TMEM192: variants seen among roughly 807,000 people sequenced by gnomAD.
The protein encoded by TMEM192 is transmembrane protein 192.
A neutral mutation model predicts 26.7 loss-of-function variants in TMEM192; 20 were observed. The ratio of observed to expected loss-of-function variants is 0.75; its 90% CI spans 0.53 to 1.09. The LOEUF is 1.09. Among genes scored for constraint, TMEM192 ranks in the 50% least tolerant of loss-of-function variants. The pLI, the probability that TMEM192 is intolerant of heterozygous loss-of-function variation, is 0.00. For synonymous variants in TMEM192, 124 were observed against 121.0 expected, an observed-to-expected ratio of 1.02 and a Z score of -0.16; for missense variants, 304 against 322.6, an observed-to-expected ratio of 0.94 and a Z score of 0.44.
At chr4:165,093,919 G>A (rs1734831261) in intron 3 of TMEM192, among the ~76,000 whole-genome samples, 1 of 151,816 alleles carries the variant, frequency 6.6e-6, no homozygotes, top group Non-Finnish European at 1.5e-5. Flanking sequence ...GTTTTTTTGA[G>A]TCGGAGTTTT....
intron 3 of TMEM192, among the ~76,000 whole-genome samples, chr4:165,090,713 T>C (rs891532425): frequency 2.0e-5 from 3 of 151,440 alleles, no homozygotes; most frequent in African/African-American, 7.3e-5. Flanking sequence ...GAGAGCAGCA[T>C]GGCCAAGATG....
Position 165,082,050 on chromosome 4 carries a change from A to G in TMEM192, c.678-2254T>C, listed in dbSNP as rs1284843108. On this transcript the variant is annotated intron_variant, in intron 5 of 5. Transcript: ENST00000306480. ...AGTGGCATGATCTCGGCTCACAGCA[A>G]CCTCCGCCTCCAGGGTTCCCGCGAT... Among the ~76,000 whole-genome samples, 6 of 33,560 alleles carry G rather than the reference A, an allele frequency of 1.8e-4. 3 individuals carry two copies. Among genetic ancestry groups the G allele is most frequent in the Admixed American group, 7.8e-4 (2 of 2,564 alleles). 22.0% of individuals were successfully genotyped at this position (33,560 alleles called of 152,430 possible).
rs565969045 is a variant in TMEM192 at position 165,085,310 on chromosome 4, G to C, written c.677+276C>G. Among the ~76,000 whole-genome samples, 13 of 149,918 alleles carry C rather than the reference G, an allele frequency of 8.7e-5. No individual in the cohort carries two copies. In the East Asian group the frequency reaches 2.5e-3, roughly 29 times the overall value. ...AAAAAAAAAGACACCTATAAAAAAA[G>C]GTGCTTCAAGGAGGGAGTAACCAGT... On this transcript the variant is annotated intron_variant, in intron 5 of 5. Transcript: ENST00000306480.
intron 4 of TMEM192, among the ~76,000 whole-genome samples, chr4:165,086,039 G>T (rs1000266656): frequency 1.3e-5 from 2 of 152,154 alleles, no homozygotes; most frequent in Non-Finnish European, 2.9e-5. Context: ...CAGAAATCAT[G>T]ACTTCCTCTG....
At chr4:165,092,401 C>T (rs140942481) in intron 3 of TMEM192, among the ~76,000 whole-genome samples, 8 of 152,132 alleles carry the variant, frequency 5.3e-5, no homozygotes, top group African/African-American at 7.2e-5. Flanking sequence ...GGATTACAGG[C>T]GTAAGCCACC....
chr4:165,089,740 C>G (rs997246726), intron 3 of TMEM192, among the ~76,000 whole-genome samples: 1 of 152,074 alleles, frequency 6.6e-6, no homozygotes, highest in African/African-American at 2.4e-5. Context: ...GAAAGAAGGA[C>G]AAGAAACAGG....
At chr4:165,101,723 G>C (rs980627634) in intron 2 of TMEM192, among the ~76,000 whole-genome samples, 3 of 152,110 alleles carry the variant, frequency 2.0e-5, no homozygotes, top group African/African-American at 7.2e-5. Context: ...AGCCATGGTG[G>C]AGCCATACCA....
intron 3 of TMEM192, 113 bp from the exon 4 acceptor site, chr4:165,088,715 G>T: frequency 3.7e-6 from 4 of 1,075,056 alleles, no homozygotes; most frequent in Non-Finnish European, 5.2e-6. Context: ...TAAAACACTT[G>T]TAATTTCCTG....
At chr4:165,104,657 A>C (rs1008735428) in intron 1 of TMEM192, among the ~76,000 whole-genome samples, 2 of 151,958 alleles carry the variant, frequency 1.3e-5, no homozygotes, top group Non-Finnish European at 2.9e-5. Flanking sequence ...CAGCCTCCTG[A>C]GTAGCTAGGA....
At chr4:165,086,375 G>A (rs577188774) in intron 4 of TMEM192, among the ~76,000 whole-genome samples, 30 of 151,766 alleles carry the variant, frequency 2.0e-4, no homozygotes, top group Non-Finnish European at 4.0e-4. Context: ...GATAGGCAGA[G>A]AATGCATCAG....
chr4:165,090,153 G>T (rs1350402081), intron 3 of TMEM192, among the ~76,000 whole-genome samples: 3 of 149,016 alleles, frequency 2.0e-5, no homozygotes, highest in African/African-American at 7.4e-5. Flanking sequence ...GGAGGTTGCG[G>T]TGAGCCAAGA....
intron 4 of TMEM192, among the ~76,000 whole-genome samples, 167 bp downstream of exon 4, chr4:165,088,301 C>T (rs756106352): frequency 6.6e-6 from 1 of 152,190 alleles, no homozygotes; most frequent in African/African-American, 2.4e-5. Context: ...TGGGGTCTCA[C>T]TGGTGGTGGC....
chr4:165,101,960 C>T (rs1381675493), intron 2 of TMEM192, among the ~76,000 whole-genome samples: 1 of 152,162 alleles, frequency 6.6e-6, no homozygotes, highest in African/African-American at 2.4e-5. Context: ...CTCGTAAATA[C>T]TCAAGGAGTG....
Position 165,103,014 on chromosome 4 carries a change from T to C in TMEM192, c.110A>G (p.His37Arg). 1.2e-6 allele frequency: 2 copies of C among 1,612,498 alleles called. No homozygotes were observed. The highest frequency in any genetic ancestry group is 8.5e-7 in the Non-Finnish European group (1 of 1,178,826). Residue 37 changes from histidine (H) to arginine (R), a missense_variant, in exon 2 of 6, where the codon CAC becomes CGC. Transcript: ENST00000306480. ...AAGAGGATGGAATCGGGGTCTAAAG[T>C]GAGCTTGTAATGAGTGGTGTGGGAG... is the stretch of plus-strand genomic sequence containing the variant. ...QLLPHHSLQA[H>R]FRPRFHPLPT...
At chr4:165,087,766 C>T (rs759013543) in intron 4 of TMEM192, among the ~76,000 whole-genome samples, 44 of 152,262 alleles carry the variant, frequency 2.9e-4, no homozygotes, top group Non-Finnish European at 4.6e-4. Flanking sequence ...ATGACGAAAC[C>T]CCATCTCTAT....
chr4:165,082,512 A>C lies in TMEM192; in HGVS notation c.678-2716T>G, dbSNP rs1395049889. Among the ~76,000 whole-genome samples, 3 of 39,024 alleles carry C rather than the reference A, an allele frequency of 7.7e-5. 1 individual carries two copies. The highest frequency in any genetic ancestry group is 1.4e-4 in the African/African-American group (3 of 21,660). 25.6% of individuals were successfully genotyped at this position (39,024 alleles called of 152,430 possible). Reference sequence around the variant, plus strand: ...GCCCACACATTTTCAGAAATCACTCAACCATCGATGGTCCCTTTCTCCTCC... The same window carrying C: ...GCCCACACATTTTCAGAAATCACTCCACCATCGATGGTCCCTTTCTCCTCC... On this transcript the variant is annotated intron_variant, in intron 5 of 5. Transcript: ENST00000306480.
intron 1 of TMEM192, among the ~76,000 whole-genome samples, chr4:165,107,109 C>G (rs1735179567): frequency 6.6e-6 from 1 of 151,830 alleles, no homozygotes; most frequent in Non-Finnish European, 1.5e-5. Context: ...ACTGCAACCT[C>G]TGCTTCCTGG....
rs900213258 is a variant in TMEM192, at chr4:165,072,719, G to A, written c.*6939C>T. 2 of 152,176 alleles carry A rather than the reference G, an allele frequency of 1.3e-5. No homozygotes were observed. The highest frequency in any genetic ancestry group is 6.6e-5 in the Admixed American group (1 of 15,248). The allele number at this position is 152,176 out of a possible 1,614,324, so 9.4% of individuals were successfully genotyped here. A position where few individuals can be genotyped will look rare whatever the true frequency, so the allele number is the denominator to read the frequency against. Reference sequence around the variant, plus strand: ...AGGATTTGCTGATTAACTGTCTATAGGGTTTGAGAGAAAGAGGAGCTGCCA... The same window carrying A: ...AGGATTTGCTGATTAACTGTCTATAAGGTTTGAGAGAAAGAGGAGCTGCCA... On this transcript the variant is annotated 3_prime_UTR_variant, in exon 6 of 6. Transcript: ENST00000306480.
rs375985573 is a variant in TMEM192, at chr4:165,084,741, G to A, written c.677+845C>T. ...CTGGCCAACATGGTGAAACCTTGTC[G>A]CTACTAAAAATACAAAAATTAGCTG... On this transcript the variant is annotated intron_variant, in intron 5 of 5. Transcript: ENST00000306480. 8.3e-4 allele frequency among the ~76,000 whole-genome samples: 122 copies of A among 146,760 alleles called. 1 individual carries two copies. Among genetic ancestry groups the A allele is most frequent in the African/African-American group, 2.9e-3 (114 of 39,906 alleles).
Sources: allele counts gnomAD v4.1 joint callset (sites outside exome capture counted in the v4.1 genomes callset), GRCh38; gene constraint gnomAD v4.1.1; transcripts MANE v1.5; gene names NCBI Gene and HGNC (gene_info 2026-07-23, HGNC 2026-07-21).